ZNF487: variants seen among roughly 807,000 people sequenced by gnomAD.
ZNF487 encodes the protein zinc finger protein 487, also known as KRAB domain only 1.
ZNF487 carries 4 observed loss-of-function variants against 3.0 expected under a neutral mutation model. The ratio of observed to expected loss-of-function variants is 1.35; its 90% CI spans 0.66 to 3.08. ZNF487 has a LOEUF of 3.08. ZNF487 is among the 30% of genes most tolerant of loss of function. The pLI is 0.01. For missense variants in ZNF487, 146 were observed against 98.7 expected, an observed-to-expected ratio of 1.48 and a Z score of -2.03; for synonymous variants, 55 against 34.6, an observed-to-expected ratio of 1.59 and a Z score of -2.06.
chr10:43,496,647 T>G, the ZNF487 span, among the ~76,000 whole-genome samples: 1 of 152,204 alleles, frequency 6.6e-6, no homozygotes, highest in African/African-American at 2.4e-5. Context: ...ATTTATTTAT[T>G]TTTTGGGTTA....
At chr10:43,465,270 C>A (rs1308161957) in intron 1 of ZNF487, among the ~76,000 whole-genome samples, 1 of 151,352 alleles carries the variant, frequency 6.6e-6, no homozygotes, top group Non-Finnish European at 1.5e-5. Context: ...CCGGACGGGG[C>A]GGCTGGCCTG....
At chr10:43,521,545 A>G in the ZNF487 span, among the ~76,000 whole-genome samples, 3 of 152,216 alleles carry the variant, frequency 2.0e-5, no homozygotes, top group Non-Finnish European at 4.4e-5. Flanking sequence ...AAGCTAGAGC[A>G]TGGCCTTGTT....
intron 1 of ZNF487, among the ~76,000 whole-genome samples, chr10:43,465,969 C>T (rs1348286135): frequency 6.6e-6 from 1 of 152,218 alleles, no homozygotes; most frequent in Non-Finnish European, 1.5e-5. Context: ...GGGGATCACT[C>T]GCAGTTAGGA....
chr10:43,467,829 AAAAG>A (rs886484082), intron 1 of ZNF487, among the ~76,000 whole-genome samples: 4 of 152,046 alleles, frequency 2.6e-5, no homozygotes, highest in East Asian at 1.9e-4. Flanking sequence ...AAAAAAAAAA[AAAAG>A]AAAAGAAAAA....
At chr10:43,447,736 T>C (rs1404930765) in intron 1 of ZNF487, among the ~76,000 whole-genome samples, 2 of 152,166 alleles carry the variant, frequency 1.3e-5, no homozygotes, top group African/African-American at 2.4e-5. Context: ...TGGGGTTTTC[T>C]CTCCATGCAG....
chr10:43,510,556 T>C, the ZNF487 span, among the ~76,000 whole-genome samples: 2 of 152,260 alleles, frequency 1.3e-5, no homozygotes, highest in East Asian at 3.9e-4. Flanking sequence ...TTTTTTTGTT[T>C]GTTTTTTTTG....
the ZNF487 span, among the ~76,000 whole-genome samples, chr10:43,519,580 G>T: frequency 6.6e-6 from 1 of 150,828 alleles, no homozygotes; most frequent in African/African-American, 2.4e-5. Flanking sequence ...CATTTCTTCT[G>T]CCTCAGCCTC....
downstream of ZNF487, among the ~76,000 whole-genome samples, chr10:43,487,391 C>T (rs1229963934): frequency 2.6e-5 from 4 of 151,678 alleles, no homozygotes; most frequent in Admixed American, 6.6e-5. Context: ...TGCCTGCCTC[C>T]GCCTCCCAAA....
the ZNF487 span, among the ~76,000 whole-genome samples, chr10:43,516,592 T>C: frequency 6.6e-6 from 1 of 152,236 alleles, no homozygotes; most frequent in Non-Finnish European, 1.5e-5. Context: ...CCAGTCCAAA[T>C]TGCAAAACTG....
chr10:43,445,061 T>C, intron 1 of ZNF487, among the ~76,000 whole-genome samples: 1 of 152,196 alleles, frequency 6.6e-6, no homozygotes, highest in East Asian at 1.9e-4. Flanking sequence ...TTAGTTGCCT[T>C]TAAGTTCAGT....
chr10:43,485,507 G>A (rs1052454889), downstream of ZNF487, among the ~76,000 whole-genome samples: 8 of 152,138 alleles, frequency 5.3e-5, no homozygotes, highest in African/African-American at 1.7e-4. Context: ...CTGTATGGGC[G>A]ATGAAGTGTA....
chr10:43,510,982 G>T, the ZNF487 span, among the ~76,000 whole-genome samples: 10 of 152,292 alleles, frequency 6.6e-5, no homozygotes, highest in East Asian at 1.9e-3. Flanking sequence ...AAGACCTCTA[G>T]GCCAGCAGAA....
At chr10:43,520,528 A>T in the ZNF487 span, among the ~76,000 whole-genome samples, 1 of 152,234 alleles carries the variant, frequency 6.6e-6, no homozygotes, top group Admixed American at 6.5e-5. Flanking sequence ...GAAATCGGAG[A>T]TAGAGCAACA....
At chr10:43,471,152 T>G (rs1041109707) in intron 1 of ZNF487, among the ~76,000 whole-genome samples, 2 of 152,194 alleles carry the variant, frequency 1.3e-5, no homozygotes, top group African/African-American at 4.8e-5. Context: ...GGCCCCTTTG[T>G]TGGACTCGTG....
At chr10:43,498,114 CTTTT>C in the ZNF487 span, among the ~76,000 whole-genome samples, 1 of 24,618 alleles carries the variant, frequency 4.1e-5, no homozygotes, top group African/African-American at 1.9e-4. Flanking sequence ...TTTTTTTTTT[CTTTT>C]TTTTTTTTTT....
At chr10:43,498,091 ATATATATATTTTTTTTTTTTTTC>A in the ZNF487 span, among the ~76,000 whole-genome samples, 23 of 27,952 alleles carry the variant, frequency 8.2e-4, no homozygotes, top group Middle Eastern at 0.031. Flanking sequence ...ATATATATAT[ATATATATATTTTTTTTTTTTTTC>A]TTTTTTTTTT....
chr10:43,497,936 C>A, the ZNF487 span, among the ~76,000 whole-genome samples: 1 of 147,010 alleles, frequency 6.8e-6, no homozygotes, highest in East Asian at 2.0e-4. Flanking sequence ...CACTGCCCTC[C>A]AGCCTGGGCG....
chr10:43,505,666 G>A, the ZNF487 span, among the ~76,000 whole-genome samples: 1 of 150,780 alleles, frequency 6.6e-6, no homozygotes, highest in Non-Finnish European at 1.5e-5. Context: ...TCTTTGAGAT[G>A]GAGTTTTACT....
the ZNF487 span, among the ~76,000 whole-genome samples, chr10:43,509,192 CA>C: frequency 0.73 from 95,202 of 130,286 alleles, 33,992 homozygotes; most frequent in East Asian, 0.92. Flanking sequence ...AGACTCTGTC[CA>C]AAAAAAAAAA....
Sources: allele counts gnomAD v4.1 joint callset (sites outside exome capture counted in the v4.1 genomes callset), GRCh38; gene constraint gnomAD v4.1.1; transcripts MANE v1.5; gene names NCBI Gene and HGNC (gene_info 2026-07-23, HGNC 2026-07-21).